Variants in PLCB1 observed in about 807,000 individuals in gnomAD.
PLCB1 encodes the protein 1-phosphatidylinositol 4,5-bisphosphate phosphodiesterase beta-1.
Under a neutral mutation model 161.8 loss-of-function variants are expected in PLCB1, and 46 were observed. That is an observed-to-expected ratio of 0.28 (90% CI 0.22 to 0.36). The LOEUF (loss-of-function observed/expected upper bound fraction) is 0.36, where lower values mean the gene tolerates loss of function less well. Ranked by LOEUF, PLCB1 falls within the 10% of genes least tolerant of loss-of-function variation. The pLI is 1.00. For missense variants in PLCB1, 1,016 were observed against 1,472.5 expected (o/e 0.69, Z 5.07); for synonymous variants, 517 against 503.7 (o/e 1.03, Z -0.35).
chr20:8,306,726 AC>A (rs1270850896), intron 2 of PLCB1, among the ~76,000 whole-genome samples: 12 of 152,160 alleles, frequency 7.9e-5, no homozygotes, highest in African/African-American at 1.9e-4. Context: ...CTCTCCTTTT[AC>A]CCAATTTTTT....
At chr20:8,158,728 T>C (rs1171974599) in intron 2 of PLCB1, among the ~76,000 whole-genome samples, 3 of 152,110 alleles carry the variant, frequency 2.0e-5, no homozygotes, top group African/African-American at 7.2e-5. Context: ...CCATTCCAAA[T>C]GGGAGAAATT....
intron 31 of PLCB1, among the ~76,000 whole-genome samples, chr20:8,854,191 A>T (rs1269230544): frequency 6.6e-6 from 1 of 152,116 alleles, no homozygotes; most frequent in Non-Finnish European, 1.5e-5. Context: ...GCAAAACTCA[A>T]TTGCACAGTC....
intron 2 of PLCB1, among the ~76,000 whole-genome samples, chr20:8,269,796 CT>C (rs1982181612): frequency 6.6e-6 from 1 of 151,994 alleles, no homozygotes; most frequent in South Asian, 2.1e-4. Flanking sequence ...CTGAATGCTA[CT>C]TCAGGCATAT....
At chr20:8,591,232 A>G (rs900431109) in intron 3 of PLCB1, among the ~76,000 whole-genome samples, 1 of 152,138 alleles carries the variant, frequency 6.6e-6, no homozygotes, top group African/African-American at 2.4e-5. Flanking sequence ...CTTCAACCTT[A>G]ATACTCACTT....
At position 8,540,901 on chromosome 20, in the gene PLCB1, GTATT is replaced by G. The variant is rs548554199; in HGVS notation, c.247-87383_247-87380del. ...CAGTGATTTAGAGCCCTGATGCCCTGTATTTATTTATTTTTTTTACTAATTTTTC... is the reference window on the plus strand; with the variant it reads ...CAGTGATTTAGAGCCCTGATGCCCTGTATTTATTTTTTTTACTAATTTTTC... On this transcript the variant is annotated intron_variant, in intron 3 of 31. Transcript: ENST00000338037. Among the ~76,000 whole-genome samples the G allele has an allele frequency of 2.5e-3, 376 of 152,130 alleles. 1 individual carries two copies. Among genetic ancestry groups the G allele is most frequent in the Non-Finnish European group, 3.4e-3 (231 of 67,976 alleles).
intron 7 of PLCB1, chr20:8,653,330 T>G (rs1989369587): frequency 6.6e-6 from 1 of 152,072 alleles, no homozygotes; most frequent in Admixed American, 6.6e-5. Flanking sequence ...GTTGCCTTTC[T>G]TCTGTGCCTT....
intron 15 of PLCB1, 150 bp downstream of exon 15, chr20:8,722,571 T>C (rs1673651175): frequency 4.1e-6 from 2 of 490,560 alleles, no homozygotes; most frequent in Admixed American, 4.1e-5. Flanking sequence ...ATTAAATGGC[T>C]TATGAAATGT....
intron 31 of PLCB1, among the ~76,000 whole-genome samples, chr20:8,791,095 T>A (rs957362163): frequency 5.9e-5 from 9 of 152,178 alleles, no homozygotes; most frequent in Non-Finnish European, 1.0e-4. Flanking sequence ...TTACTTCTTA[T>A]AGATTTCTTA....
chr20:8,753,543 G>A (rs1480341850), intron 23 of PLCB1, among the ~76,000 whole-genome samples: 2 of 152,102 alleles, frequency 1.3e-5, no homozygotes, highest in Non-Finnish European at 2.9e-5. Context: ...CCACTGGGGC[G>A]AGAAGGTAAG....
Position 8,536,901 on chromosome 20 carries a change from A to T in PLCB1, c.247-91393A>T, listed in dbSNP as rs569290440. 1.4e-4 allele frequency among the ~76,000 whole-genome samples: 21 copies of T among 152,328 alleles called. No individual in the cohort carries two copies. The South Asian group carries it at 4.3e-3, about 32-fold the overall frequency. ...TGGAAGCCTTTGAACACAAGCTACC[A>T]CAGCAAAGAACATTTGATTTCCAAG... is the stretch of plus-strand genomic sequence containing the variant. On this transcript the variant is annotated intron_variant, in intron 3 of 31. Coordinates refer to ENST00000338037, the MANE Select transcript of PLCB1 (RefSeq NM_015192.4).
intron 9 of PLCB1, 61 bp from the exon 10 acceptor site, chr20:8,684,871 G>T: frequency 1.4e-5 from 15 of 1,099,076 alleles, no homozygotes; most frequent in Middle Eastern, 2.2e-4. Flanking sequence ...AAAAAAAAAA[G>T]AGGCGACTTG....
intron 3 of PLCB1, among the ~76,000 whole-genome samples, chr20:8,438,141 G>C (rs1980393225): frequency 6.6e-6 from 1 of 151,748 alleles, no homozygotes; most frequent in South Asian, 2.1e-4. Context: ...ATTTTTGCTA[G>C]TTAAGCATCT....
rs147621383 is a variant in PLCB1 at position 8,339,696 on chromosome 20, A to C, written c.178-31686A>C. 3.2e-3 allele frequency among the ~76,000 whole-genome samples: 494 copies of C among 152,346 alleles called. 2 individuals are homozygous for C. Among genetic ancestry groups the C allele is most frequent in the Non-Finnish European group, 4.7e-3 (319 of 68,038 alleles). ...TTTTTTTGGTTGATCCTCATCACTG[A>C]AACTTCATAGTCATGAGCTGTCTCT... On this transcript the variant is annotated intron_variant, in intron 2 of 31. Transcript: ENST00000338037.
chr20:8,757,001 G>T lies in PLCB1; in HGVS notation c.2524-45G>T, dbSNP rs140678869. On this transcript the variant is annotated intron_variant, in intron 23 of 31. Transcript: ENST00000338037. Reference sequence around the variant, plus strand: ...TTGTTGGTTTAGGAAGGCAAGAAAAGAATAAAAAGAAATGTGGAAAATGAA... The same window carrying T: ...TTGTTGGTTTAGGAAGGCAAGAAAATAATAAAAAGAAATGTGGAAAATGAA... 2.4e-4 allele frequency: 367 copies of T among 1,533,894 alleles called. 1 individual carries two copies. In the African/African-American group the frequency reaches 4.3e-3, roughly 18 times the overall value.
chr20:8,455,268 C>T (rs887995766), intron 3 of PLCB1, among the ~76,000 whole-genome samples: 19 of 143,608 alleles, frequency 1.3e-4, no homozygotes, highest in African/African-American at 4.4e-4. Context: ...GTGGAGGTTG[C>T]GATGAGCCGA....
At chr20:8,171,848 T>G (rs1413699425) in intron 2 of PLCB1, among the ~76,000 whole-genome samples, 1 of 152,192 alleles carries the variant, frequency 6.6e-6, no homozygotes, top group Non-Finnish European at 1.5e-5. Context: ...CATTGTAAAG[T>G]CCATGCAAGC....
chr20:8,156,655 T>C (rs2051566714), intron 2 of PLCB1, among the ~76,000 whole-genome samples: 1 of 152,224 alleles, frequency 6.6e-6, no homozygotes, highest in Non-Finnish European at 1.5e-5. Context: ...TTTGAAGCTG[T>C]GACAGATGTG....
intron 2 of PLCB1, among the ~76,000 whole-genome samples, chr20:8,190,462 A>G (rs2051956600): frequency 6.6e-6 from 1 of 152,046 alleles, no homozygotes; most frequent in South Asian, 2.1e-4. Flanking sequence ...ATCAGGGACA[A>G]GTTATGTTTT....
At chr20:8,688,495 T>A (rs924237102) in intron 10 of PLCB1, among the ~76,000 whole-genome samples, 3 of 152,256 alleles carry the variant, frequency 2.0e-5, no homozygotes, top group Non-Finnish European at 4.4e-5. Flanking sequence ...ATTTAGGTCC[T>A]TAATCCATCT....
Sources: allele counts gnomAD v4.1 joint callset (sites outside exome capture counted in the v4.1 genomes callset), GRCh38; gene constraint gnomAD v4.1.1; transcripts MANE v1.5; gene names NCBI Gene and HGNC (gene_info 2026-07-23, HGNC 2026-07-21).